Variants in LPA observed in about 807,000 individuals in gnomAD.
LPA encodes the protein apolipoprotein(a).
LPA carries 199 observed loss-of-function variants against 197.9 expected under a neutral mutation model. The ratio of observed to expected loss-of-function variants is 1.01; its 90% CI spans 0.90 to 1.13. The LOEUF (loss-of-function observed/expected upper bound fraction) is 1.13. Among genes scored for constraint, LPA ranks in the 50% most tolerant of loss-of-function variants. The pLI, the probability that LPA is intolerant of heterozygous loss-of-function variation, is 0.00. For missense variants in LPA, 1,853 were observed against 1,785.8 expected (o/e 1.04, Z -0.68); for synonymous variants, 715 against 639.5 (o/e 1.12, Z -1.78).
Position 160,599,639 on chromosome 6 carries a change from C to G in LPA, c.3148G>C (p.Gly1050Arg). Residue 1050 changes from glycine to arginine, a missense_variant, in exon 20 of 39, where the codon GGG (glycine) becomes CGG (arginine). By Grantham distance (125) the Gly-to-Arg change is moderately radical. This residue lies in a region of LPA where 1,737 missense variants were observed against 1,504.4 expected (regional missense o/e 1.15). Transcript: ENST00000316300. ...FEQALTEETP[G>R]VQDCYYHYGQ... ...TAATGGTAGTAGCAGTCCTGTACCCCGGGGGTTTCCTCAGTCAGTGCTGAA... is the reference window on the plus strand; with the variant it reads ...TAATGGTAGTAGCAGTCCTGTACCCGGGGGGTTTCCTCAGTCAGTGCTGAA... The G allele has an allele frequency of 6.2e-7, 1 of 1,613,994 alleles. No homozygotes were observed. The highest frequency in any genetic ancestry group is 1.1e-5 in the South Asian group (1 of 91,076).
chr6:160,546,257 T>A (rs1406982814), intron 32 of LPA, among the ~76,000 whole-genome samples: 1 of 152,088 alleles, frequency 6.6e-6, no homozygotes, highest in Non-Finnish European at 1.5e-5. Context: ...TGGCCAATGA[T>A]GTAATCAACT....
At chr6:160,609,714 C>G (rs752476636) in intron 16 of LPA, among the ~76,000 whole-genome samples, 10 of 151,864 alleles carry the variant, frequency 6.6e-5, no homozygotes, top group Non-Finnish European at 1.5e-4. Context: ...CTGCATGTCT[C>G]TGAGGGTCGG....
chr6:160,592,177 C>T (rs887321216), intron 22 of LPA, among the ~76,000 whole-genome samples: 2 of 152,130 alleles, frequency 1.3e-5, no homozygotes, highest in African/African-American at 4.8e-5. Context: ...TGGATGTTTT[C>T]CTAGATGTCC....
Position 160,653,346 on chromosome 6 carries a change from T to C in LPA, c.50-2849A>G, listed in dbSNP as rs1468563563. Among the ~76,000 whole-genome samples the C allele has an allele frequency of 2.0e-5, 3 of 151,982 alleles. No individual in the cohort carries two copies. The East Asian group carries it at 5.8e-4, about 29-fold the overall frequency. On this transcript the variant is annotated intron_variant, in intron 1 of 38. Transcript: ENST00000316300. Reference sequence around the variant, plus strand: ...AAGTTGGACACATCACCATTAATCCTCAGTAGTCAATAAAAAAAGAGAAAG... The same window carrying C: ...AAGTTGGACACATCACCATTAATCCCCAGTAGTCAATAAAAAAAGAGAAAG...
At chr6:160,558,161 C>T (rs1191385686) in intron 28 of LPA, among the ~76,000 whole-genome samples, 3 of 152,118 alleles carry the variant, frequency 2.0e-5, no homozygotes, top group South Asian at 4.1e-4. Flanking sequence ...CCTCGTGATC[C>T]ACCCACCTCG....
At chr6:160,542,864 C>T (rs1778004715) in intron 33 of LPA, 56 bp from the exon 34 acceptor site, 5 of 1,610,898 alleles carry the variant, frequency 3.1e-6, no homozygotes, top group East Asian at 2.2e-5. Context: ...GCAATTGTGT[C>T]GTTTAATTCA....
At chr6:160,610,255 A>G (rs1303206130) in intron 16 of LPA, among the ~76,000 whole-genome samples, 1 of 152,182 alleles carries the variant, frequency 6.6e-6, no homozygotes, top group African/African-American at 2.4e-5. Context: ...ACTTCTGAAG[A>G]GAGTTGAGAT....
rs1287761737 is a variant in LPA at position 160,606,659 on chromosome 6, C to A, written c.2604-1G>T. On this transcript the variant is annotated splice_acceptor_variant, in intron 16 of 38. Coordinates refer to ENST00000316300, the MANE Select transcript of LPA (RefSeq NM_005577.4). LOFTEE classifies it high-confidence loss of function. The stretch of plus-strand genomic sequence containing the variant: ...CCTGCAGTAGTTCATGATCAAGCCA[C>A]TGGAAATTCCAAAACGATACACGTC... The A allele has an allele frequency of 6.2e-7, 1 of 1,613,884 alleles. No individual in the cohort carries two copies. The highest frequency in any genetic ancestry group is 1.3e-5 in the African/African-American group (1 of 74,906).
chr6:160,552,490 G>C (rs1250476308), intron 30 of LPA, among the ~76,000 whole-genome samples: 1 of 152,122 alleles, frequency 6.6e-6, no homozygotes, highest in Non-Finnish European at 1.5e-5. Flanking sequence ...TTTTGGTTTT[G>C]ATACTATTGT....
At chr6:160,549,766 C>T (rs1778138086) in intron 30 of LPA, among the ~76,000 whole-genome samples, 1 of 152,336 alleles carries the variant, frequency 6.6e-6, no homozygotes, top group East Asian at 1.9e-4. Context: ...TCCTCTCCTA[C>T]TCTCAGTCCA....
chr6:160,643,111 T>C (rs1779868555), intron 4 of LPA, among the ~76,000 whole-genome samples: 1 of 147,554 alleles, frequency 6.8e-6, no homozygotes, highest in Non-Finnish European at 1.5e-5. Flanking sequence ...TGTGTGTGTG[T>C]GTGTAGCTCA....
At chr6:160,567,194 C>T (rs1035123208) in intron 28 of LPA, among the ~76,000 whole-genome samples, 1 of 152,218 alleles carries the variant, frequency 6.6e-6, no homozygotes, top group Non-Finnish European at 1.5e-5. Context: ...AATATACATT[C>T]TTCTCAGCAC....
chr6:160,641,107 AAC>A (rs774153084), intron 4 of LPA, among the ~76,000 whole-genome samples: 1 of 135,736 alleles, frequency 7.4e-6, no homozygotes, highest in Non-Finnish European at 1.6e-5. Context: ...ACACTGAGAT[AAC>A]ACACACACGT....
intron 20 of LPA, among the ~76,000 whole-genome samples, chr6:160,598,233 G>A (rs568059010): frequency 6.6e-6 from 1 of 152,178 alleles, no homozygotes; most frequent in Non-Finnish European, 1.5e-5. Context: ...TTTTCTTGTG[G>A]AAAATCTTCT....
intron 28 of LPA, among the ~76,000 whole-genome samples, chr6:160,562,057 ATTTC>A (rs1447935401): frequency 6.6e-6 from 1 of 152,110 alleles, no homozygotes; most frequent in Non-Finnish European, 1.5e-5. Context: ...GAATACCTTT[ATTTC>A]TTTCTCTTGC....
intron 8 of LPA, among the ~76,000 whole-genome samples, chr6:160,631,990 C>CTGTG (rs1491553851): frequency 9.4e-6 from 1 of 105,854 alleles, no homozygotes; most frequent in Non-Finnish European, 2.1e-5. Flanking sequence ...GGTGTGTTTT[C>CTGTG]AGTGTGTGTG....
chr6:160,591,502 A>G (rs1190385118), intron 22 of LPA, among the ~76,000 whole-genome samples: 1 of 152,224 alleles, frequency 6.6e-6, no homozygotes, highest in Non-Finnish European at 1.5e-5. Flanking sequence ...GTCTTTCTAT[A>G]GGAGTACCCA....
At chr6:160,596,470 A>ATTCTT (rs1235467152) in intron 20 of LPA, among the ~76,000 whole-genome samples, 91 of 150,458 alleles carry the variant, frequency 6.0e-4, no homozygotes, top group Non-Finnish European at 1.1e-3. Context: ...TTCATAGGGG[A>ATTCTT]TTCCAAAGAG....
At position 160,547,907 on chromosome 6, in the gene LPA, C is replaced by T. The variant is rs779577932; in HGVS notation, c.5186G>A (p.Arg1729Gln). 8.7e-6 allele frequency: 14 copies of T among 1,613,814 alleles called. No individual in the cohort carries two copies. The highest frequency in any genetic ancestry group is 6.7e-5 in the East Asian group (3 of 44,858). Residue 1729 changes from arginine (R) to glutamine (Q), a missense_variant, in exon 32 of 39, where the codon CGG becomes CAG. Arg to Gln is a conservative substitution (Grantham distance 43). Coordinates refer to ENST00000316300, the MANE Select transcript of LPA (RefSeq NM_005577.4). Reference sequence around the variant, plus strand: ...AGTAACAGTGGTTGCCTTCTTGCCCCGGTATCCTTTCCCATTCCCAAACAT... The same window carrying T: ...AGTAACAGTGGTTGCCTTCTTGCCCTGGTATCCTTTCCCATTCCCAAACAT... ...DCMFGNGKGY[R>Q]GKKATTVTGT...
Sources: gnomAD v4.1 joint callset for allele counts (sites outside exome capture counted in the v4.1 genomes callset) on GRCh38, gnomAD v4.1.1 for gene constraint, gnomAD v4.1.1 regional missense constraint, MANE v1.5 for transcripts, NCBI Gene and HGNC (gene_info 2026-07-23, HGNC 2026-07-21) for gene names.